TMEM178B: variants seen among roughly 807,000 people sequenced by gnomAD.
TMEM178B encodes transmembrane protein 178B.
Under a neutral mutation model 31.0 loss-of-function variants are expected in TMEM178B, and 5 were observed. The ratio of observed to expected loss-of-function variants is 0.16; its 90% CI spans 0.08 to 0.34. The LOEUF is 0.34. Ranked by LOEUF, TMEM178B falls within the 10% of genes least tolerant of loss-of-function variation. The probability of loss-of-function intolerance (pLI) is 1.00; values close to 1 mark genes in which losing one functional copy is unlikely to be tolerated. For missense variants in TMEM178B, 275 were observed against 400.3 expected, an observed-to-expected ratio of 0.69 and a Z score of 2.67; for synonymous variants, 164 against 164.0, an observed-to-expected ratio of 1.00 and a Z score of 0.00.
intron 2 of TMEM178B, among the ~76,000 whole-genome samples, chr7:141,252,804 A>G (rs536176780): frequency 6.6e-6 from 1 of 152,340 alleles, no homozygotes; most frequent in Non-Finnish European, 1.5e-5. Flanking sequence ...CTGAAAGCCA[A>G]TACAGCAGTG....
chr7:141,134,008 G>A (rs1795634996), intron 1 of TMEM178B, among the ~76,000 whole-genome samples: 2 of 152,144 alleles, frequency 1.3e-5, no homozygotes, highest in Non-Finnish European at 2.9e-5. Flanking sequence ...GCTGAGATGG[G>A]AGGATTGCTT....
intron 2 of TMEM178B, among the ~76,000 whole-genome samples, chr7:141,285,394 A>G (rs1350413852): frequency 1.3e-5 from 2 of 151,266 alleles, no homozygotes; most frequent in Non-Finnish European, 2.9e-5. Context: ...TCCTGACCTC[A>G]TGATCCACCT....
rs182484514 is a variant in TMEM178B, at chr7:141,300,251, C to T, written c.496+87547C>T. On this transcript the variant is annotated intron_variant, in intron 2 of 3. Coordinates refer to ENST00000565468, the MANE Select transcript of TMEM178B (RefSeq NM_001195278.2). ...CCATGACCTCGGTGTCTGTTGCCACCGTTGCCTGCCCCACTGGCAGGCATT... is the reference window on the plus strand; with the variant it reads ...CCATGACCTCGGTGTCTGTTGCCACTGTTGCCTGCCCCACTGGCAGGCATT... 1.7e-3 allele frequency among the ~76,000 whole-genome samples: 258 copies of T among 152,308 alleles called. 1 individual carries two copies. The highest frequency in any genetic ancestry group is 3.2e-3 in the Non-Finnish European group (217 of 68,036).
chr7:141,178,080 C>T (rs999665203), intron 1 of TMEM178B, among the ~76,000 whole-genome samples: 2 of 152,124 alleles, frequency 1.3e-5, no homozygotes, highest in Admixed American at 6.6e-5. Context: ...TGGCTGGTAC[C>T]GGTTATTCCT....
At chr7:141,346,549 T>C (rs904503711) in intron 2 of TMEM178B, among the ~76,000 whole-genome samples, 31 of 152,282 alleles carry the variant, frequency 2.0e-4, no homozygotes, top group African/African-American at 6.3e-4. Context: ...TTACCTGTAC[T>C]TCTTCCCTAT....
chr7:141,290,686 C>T (rs1468827214), intron 2 of TMEM178B, among the ~76,000 whole-genome samples: 1 of 152,236 alleles, frequency 6.6e-6, no homozygotes, highest in Non-Finnish European at 1.5e-5. Context: ...TCTATCACAT[C>T]ACCCCACCCA....
rs573283274 is a variant in TMEM178B, at chr7:141,388,303, C to G, written c.497-49305C>G. 9.9e-5 allele frequency among the ~76,000 whole-genome samples: 15 copies of G among 152,184 alleles called. No individual in the cohort carries two copies. The South Asian group carries it at 3.1e-3, about 32-fold the overall frequency. ...ACTCATGTCACTAATAGTCAGGCTT[C>G]GAATGGAGACATCTGCCTGAGATAA... is the stretch of plus-strand genomic sequence containing the variant. On this transcript the variant is annotated intron_variant, in intron 2 of 3. Transcript: ENST00000565468.
intron 2 of TMEM178B, among the ~76,000 whole-genome samples, chr7:141,427,690 A>C (rs1476784133): frequency 1.3e-5 from 2 of 152,194 alleles, no homozygotes; most frequent in Admixed American, 1.3e-4. Context: ...GGCAACAAAA[A>C]CAAAAATCAA....
At chr7:141,197,696 G>A (rs1269747157) in intron 1 of TMEM178B, among the ~76,000 whole-genome samples, 5 of 152,004 alleles carry the variant, frequency 3.3e-5, no homozygotes, top group African/African-American at 2.4e-5. Context: ...GCAGTGGTGC[G>A]ATCTTGGCTC....
At chr7:141,400,779 A>T (rs528901194) in intron 2 of TMEM178B, among the ~76,000 whole-genome samples, 20 of 152,330 alleles carry the variant, frequency 1.3e-4, no homozygotes, top group African/African-American at 4.6e-4. Context: ...TGTGAGTAGT[A>T]GAGTGGGGAA....
At chr7:141,185,190 G>C (rs975203205) in intron 1 of TMEM178B, among the ~76,000 whole-genome samples, 2 of 152,156 alleles carry the variant, frequency 1.3e-5, no homozygotes, top group Non-Finnish European at 1.5e-5. Context: ...TGTGTTACAG[G>C]GTGCTCTTTA....
At chr7:141,457,417 T>A (rs1801984946) in intron 3 of TMEM178B, among the ~76,000 whole-genome samples, 1 of 152,192 alleles carries the variant, frequency 6.6e-6, no homozygotes, top group Non-Finnish European at 1.5e-5. Context: ...TGTATACATG[T>A]GTAGATCTGT....
chr7:141,239,507 A>G (rs1797583045), intron 2 of TMEM178B, among the ~76,000 whole-genome samples: 1 of 152,182 alleles, frequency 6.6e-6, no homozygotes, highest in South Asian at 2.1e-4. Flanking sequence ...GGAAAGGGTC[A>G]TACCTTAGGT....
At chr7:141,127,101 G>A (rs1018114110) in intron 1 of TMEM178B, among the ~76,000 whole-genome samples, 5 of 152,252 alleles carry the variant, frequency 3.3e-5, no homozygotes, top group Non-Finnish European at 7.3e-5. Flanking sequence ...CAGTCCAGCT[G>A]TTCCTTCTTG....
intron 3 of TMEM178B, among the ~76,000 whole-genome samples, chr7:141,449,423 A>C (rs1801821309): frequency 6.6e-6 from 1 of 152,122 alleles, no homozygotes; most frequent in African/African-American, 2.4e-5. Context: ...GTGACCAAAA[A>C]TAGCCTGACC....
intron 2 of TMEM178B, among the ~76,000 whole-genome samples, chr7:141,399,062 T>C (rs749127895): frequency 6.6e-6 from 1 of 152,204 alleles, no homozygotes; most frequent in Non-Finnish European, 1.5e-5. Flanking sequence ...CCTGTTTTCT[T>C]CCTTTGCTTT....
chr7:141,408,429 C>T (rs760430795), intron 2 of TMEM178B, among the ~76,000 whole-genome samples: 1 of 152,186 alleles, frequency 6.6e-6, no homozygotes, highest in Non-Finnish European at 1.5e-5. Context: ...TGGCCCCACC[C>T]CCAGATATTT....
chr7:141,177,531 A>G (rs948151264), intron 1 of TMEM178B, among the ~76,000 whole-genome samples: 5 of 152,090 alleles, frequency 3.3e-5, no homozygotes, highest in Non-Finnish European at 5.9e-5. Flanking sequence ...TCTGTCTAAT[A>G]TTGACAGTGG....
chr7:141,299,014 G>A (rs1275775626), intron 2 of TMEM178B, among the ~76,000 whole-genome samples: 1 of 152,124 alleles, frequency 6.6e-6, no homozygotes, highest in Non-Finnish European at 1.5e-5. Context: ...GGGAGTAGAA[G>A]GCTGTTTCTG....
Sources: allele counts gnomAD v4.1 joint callset (sites outside exome capture counted in the v4.1 genomes callset), GRCh38; gene constraint gnomAD v4.1.1; transcripts MANE v1.5; gene names NCBI Gene and HGNC (gene_info 2026-07-23, HGNC 2026-07-21).